The following CAP2 variants were observed in gnomAD, a reference collection of about 807,000 sequenced individuals.
CAP2 encodes cyclase associated actin cytoskeleton regulatory protein 2, also known as adenylyl cyclase-associated protein 2.
CAP2 carries 24 observed loss-of-function variants against 57.7 expected under a neutral mutation model. The observed-to-expected ratio is 0.42, with a 90% CI of 0.30 to 0.58. CAP2 has a LOEUF of 0.58. CAP2 is among the 20% of genes least tolerant of loss of function. The probability of loss-of-function intolerance (pLI) is 0.22; values close to 1 mark genes in which losing one functional copy is unlikely to be tolerated. For missense variants in CAP2, 501 were observed against 590.3 expected (o/e 0.85, Z 1.57); for synonymous variants, 194 against 207.2 (o/e 0.94, Z 0.55).
intron 4 of CAP2, among the ~76,000 whole-genome samples, chr6:17,482,575 G>A (rs1332425866): frequency 6.6e-6 from 1 of 150,580 alleles, no homozygotes; most frequent in Non-Finnish European, 1.5e-5. Context: ...CCCTCAGATG[G>A]CCCAAGGGAA....
chr6:17,446,568 T>C (rs1760263863), intron 3 of CAP2, among the ~76,000 whole-genome samples: 1 of 152,236 alleles, frequency 6.6e-6, no homozygotes, highest in Non-Finnish European at 1.5e-5. Flanking sequence ...AGATTTGTCT[T>C]GTTAAAAATA....
chr6:17,423,783 C>T (rs541769395), intron 2 of CAP2, among the ~76,000 whole-genome samples: 11 of 152,184 alleles, frequency 7.2e-5, no homozygotes, highest in African/African-American at 2.6e-4. Context: ...AGTGTTTAAA[C>T]AAATATTTTC....
At chr6:17,468,979 A>T (rs1361680440) in intron 4 of CAP2, among the ~76,000 whole-genome samples, 1 of 152,242 alleles carries the variant, frequency 6.6e-6, no homozygotes, top group Non-Finnish European at 1.5e-5. Context: ...TGTCAAAATA[A>T]AATTGTAGAA....
chr6:17,402,120 A>C (rs1262106689), intron 1 of CAP2, among the ~76,000 whole-genome samples: 1 of 152,064 alleles, frequency 6.6e-6, no homozygotes, highest in African/African-American at 2.4e-5. Context: ...AAAGGTCCAA[A>C]TCCTCCTCTT....
At chr6:17,400,819 C>T (rs1358561768) in intron 1 of CAP2, among the ~76,000 whole-genome samples, 2 of 150,112 alleles carry the variant, frequency 1.3e-5, no homozygotes, top group African/African-American at 4.9e-5. Flanking sequence ...GAGCCGAGAT[C>T]GCGCCATTGC....
chr6:17,509,656 C>G (rs148868256), intron 6 of CAP2, among the ~76,000 whole-genome samples: 1,931 of 151,912 alleles, frequency 0.013, 22 homozygotes, highest in Middle Eastern at 0.02. Context: ...GCCTGGGTGA[C>G]AAAGTGAGAC....
In CAP2 at chr6:17,469,638, C is replaced by A. The variant is rs151172235; in HGVS notation, c.300+6565C>A. On this transcript the variant is annotated intron_variant, in intron 4 of 12. Coordinates refer to ENST00000229922, the MANE Select transcript of CAP2 (RefSeq NM_006366.3). ...AGCGCGTTTCTACTATCCTCCCTCT[C>A]GTTTTCTTGTCTTTATTTGAACTTG... Among the ~76,000 whole-genome samples, 52 of 152,186 alleles carry A rather than the reference C, an allele frequency of 3.4e-4. No individual in the cohort carries two copies. In the East Asian group the frequency reaches 4.6e-3, roughly 14 times the overall value.
chr6:17,542,660 C>T (rs1018700401), intron 9 of CAP2, among the ~76,000 whole-genome samples, 177 bp from the exon 10 acceptor site: 3 of 152,162 alleles, frequency 2.0e-5, no homozygotes, highest in African/African-American at 4.8e-5. Context: ...GAAGTGGTTC[C>T]GTTTTTCCCA....
At chr6:17,427,478 G>T (rs1759623325) in intron 3 of CAP2, among the ~76,000 whole-genome samples, 2 of 152,016 alleles carry the variant, frequency 1.3e-5, no homozygotes, top group African/African-American at 4.8e-5. Context: ...ATATCCATTG[G>T]GATGGCTACT....
At chr6:17,453,772 T>A (rs764038862) in intron 3 of CAP2, among the ~76,000 whole-genome samples, 4 of 152,136 alleles carry the variant, frequency 2.6e-5, no homozygotes, top group Non-Finnish European at 5.9e-5. Flanking sequence ...ACTCTAATCC[T>A]ACATTTGTCC....
At position 17,411,663 on chromosome 6, in the gene CAP2, G is replaced by GT. The variant is rs199994989; in HGVS notation, c.-1-9885dup. Among the ~76,000 whole-genome samples, 223 of 152,278 alleles carry GT rather than the reference G, an allele frequency of 1.5e-3. 2 individuals carry two copies. The highest frequency in any genetic ancestry group is 5.1e-3 in the African/African-American group (212 of 41,558). On this transcript the variant is annotated intron_variant, in intron 1 of 12. Coordinates refer to ENST00000229922, the MANE Select transcript of CAP2 (RefSeq NM_006366.3). ...ATTTGCCTTCTTATTGAGTGTAAAA[G>GT]TTTTTTTATATATTCTGGATACAAG...
rs1377684939 is a variant in CAP2 at position 17,529,595 on chromosome 6, C to A, written c.637-9674C>A. ...GGCGGAGCTTGCAGTGAGCCGAGATCACGCCACTGCACTCCGGCCTGGGCA... is the reference window on the plus strand; with the variant it reads ...GGCGGAGCTTGCAGTGAGCCGAGATAACGCCACTGCACTCCGGCCTGGGCA... On this transcript the variant is annotated intron_variant, in intron 7 of 12. Transcript: ENST00000229922. 2.0e-5 allele frequency among the ~76,000 whole-genome samples: 3 copies of A among 147,832 alleles called. 1 individual carries two copies. Among genetic ancestry groups the A allele is most frequent in the African/African-American group, 5.1e-5 (2 of 39,402 alleles).
chr6:17,467,547 G>A (rs1760898993), intron 4 of CAP2, among the ~76,000 whole-genome samples: 1 of 151,916 alleles, frequency 6.6e-6, no homozygotes, highest in Non-Finnish European at 1.5e-5. Context: ...TTTTTGGGAC[G>A]GAATCTTGCT....
At chr6:17,529,651 A>AAAAAAAAATATAT (rs10656588) in intron 7 of CAP2, among the ~76,000 whole-genome samples, 387 of 134,480 alleles carry the variant, frequency 2.9e-3, no homozygotes, top group African/African-American at 5.5e-3. Context: ...AAAAAAAAAA[A>AAAAAAAAATATAT]ATATATATAT....
At chr6:17,463,789 C>T (rs894050336) in intron 4 of CAP2, among the ~76,000 whole-genome samples, 3 of 152,148 alleles carry the variant, frequency 2.0e-5, no homozygotes, top group Non-Finnish European at 4.4e-5. Context: ...TAGTCCATCT[C>T]GCCTTTCTCT....
chr6:17,547,547 G>T (rs1318290926), intron 11 of CAP2, among the ~76,000 whole-genome samples: 1 of 152,178 alleles, frequency 6.6e-6, no homozygotes, highest in Non-Finnish European at 1.5e-5. Flanking sequence ...ATAATGCATT[G>T]AAAGTTCTAA....
intron 11 of CAP2, among the ~76,000 whole-genome samples, chr6:17,549,681 G>A (rs554046540): frequency 6.6e-6 from 1 of 152,254 alleles, no homozygotes; most frequent in Non-Finnish European, 1.5e-5. Flanking sequence ...TCCTTACTTT[G>A]CGTGGTGCTA....
chr6:17,503,794 G>A (rs1254484149), intron 4 of CAP2, among the ~76,000 whole-genome samples: 2 of 152,056 alleles, frequency 1.3e-5, no homozygotes, highest in African/African-American at 2.4e-5. Flanking sequence ...TGGTTGGGGG[G>A]CAGGTGCACA....
At chr6:17,533,711 G>A (rs1467958898) in intron 7 of CAP2, among the ~76,000 whole-genome samples, 1 of 151,914 alleles carries the variant, frequency 6.6e-6, no homozygotes, top group Non-Finnish European at 1.5e-5. Flanking sequence ...TGGGACAACA[G>A]GCGTGTGCAC....
Sources: gnomAD v4.1 joint callset for allele counts (sites outside exome capture counted in the v4.1 genomes callset) on GRCh38, gnomAD v4.1.1 for gene constraint, MANE v1.5 for transcripts, NCBI Gene and HGNC (gene_info 2026-07-23, HGNC 2026-07-21) for gene names.